Variants in SGSM1 observed in about 807,000 individuals in gnomAD.
SGSM1 encodes RUN and TBC1 domain containing 2.
Under a neutral mutation model 133.8 loss-of-function variants are expected in SGSM1, and 73 were observed. That is an observed-to-expected ratio of 0.55 (90% CI 0.45 to 0.66). SGSM1 has a LOEUF of 0.66. SGSM1 is among the 30% of genes least tolerant of loss of function. The pLI is 0.00. For missense variants in SGSM1, 1,213 were observed against 1,448.1 expected (o/e 0.84, Z 2.64); for synonymous variants, 563 against 573.0 (o/e 0.98, Z 0.25).
intron 2 of SGSM1, among the ~76,000 whole-genome samples, chr22:24,837,583 C>CT (rs1929516434): frequency 1.4e-5 from 1 of 69,568 alleles, no homozygotes; most frequent in African/African-American, 8.8e-5. Context: ...GGGAGACCCC[C>CT]CCCCCCCCTT....
intron 2 of SGSM1, among the ~76,000 whole-genome samples, chr22:24,829,912 T>C (rs139633): frequency 0.8 from 121,210 of 152,168 alleles, 49,158 homozygotes; most frequent in African/African-American, 0.94. Context: ...ATCTGTCAGC[T>C]TTCAAAGTGG....
intron 13 of SGSM1, among the ~76,000 whole-genome samples, chr22:24,877,459 A>G (rs576340329): frequency 7.9e-5 from 12 of 152,176 alleles, no homozygotes; most frequent in Non-Finnish European, 1.8e-4. Flanking sequence ...GTCTCTTTGA[A>G]ACTCTTCAGC....
At position 24,845,368 on chromosome 22, in the gene SGSM1, C is replaced by T. The variant is rs145459982; in HGVS notation, c.139+396C>T. On this transcript the variant is annotated intron_variant, in intron 3 of 24. Coordinates refer to ENST00000400358, the MANE Select transcript of SGSM1 (RefSeq NM_001098497.3). ...GAGCCCGTGACACATCCTGAAGGAT[C>T]GCGTCCATCTGGCTCAGCAAAGAAG... Among the ~76,000 whole-genome samples the T allele has an allele frequency of 1.5e-3, 226 of 152,232 alleles. 1 individual carries two copies. The highest frequency in any genetic ancestry group is 4.7e-3 in the Admixed American group (72 of 15,286).
chr22:24,843,136 G>T (rs1929902212), intron 2 of SGSM1, among the ~76,000 whole-genome samples: 1 of 152,180 alleles, frequency 6.6e-6, no homozygotes, highest in Non-Finnish European at 1.5e-5. Flanking sequence ...TTCCACATCT[G>T]CAAAATGAAG....
At chr22:24,838,776 T>C (rs1175973478) in intron 2 of SGSM1, among the ~76,000 whole-genome samples, 1 of 152,182 alleles carries the variant, frequency 6.6e-6, no homozygotes, top group South Asian at 2.1e-4. Context: ...TTCTGTAGTT[T>C]TGTTATAAGT....
At chr22:24,811,868 CAAA>C (rs757643471) in intron 2 of SGSM1, among the ~76,000 whole-genome samples, 1 of 122,102 alleles carries the variant, frequency 8.2e-6, no homozygotes, top group Non-Finnish European at 1.7e-5. Context: ...GACCCTGTCT[CAAA>C]AAAAAAAAAA....
At chr22:24,910,346 C>A (rs1933572677) in intron 21 of SGSM1, among the ~76,000 whole-genome samples, 1 of 152,068 alleles carries the variant, frequency 6.6e-6, no homozygotes, top group African/African-American at 2.4e-5. Flanking sequence ...ATATGAGAAT[C>A]TCAATAAACC....
chr22:24,837,598 A>G (rs139649), intron 2 of SGSM1, among the ~76,000 whole-genome samples: 109,819 of 135,520 alleles, frequency 0.81, 43,544 homozygotes, highest in African/African-American at 0.88. Context: ...CCCCTTTCCC[A>G]GTCTGCTAAG....
intron 13 of SGSM1, among the ~76,000 whole-genome samples, chr22:24,878,053 CGCCCACCTTG>C (rs1932119369): frequency 1.3e-5 from 2 of 152,004 alleles, no homozygotes; most frequent in South Asian, 4.1e-4. Context: ...TCAAGTGATC[CGCCCACCTTG>C]GCCTCCCAAA....
rs531274635 is a variant in SGSM1 at position 24,833,095 on chromosome 22, C to T, written c.64-11802C>T. ...GATTACAGGCATCCACCACCACGCC[C>T]GGCTAATTTTTGTATTTTTAGTAGA... On this transcript the variant is annotated intron_variant, in intron 2 of 24. Transcript: ENST00000400358. Among the ~76,000 whole-genome samples, 443 of 151,868 alleles carry T rather than the reference C, an allele frequency of 2.9e-3. 2 individuals are homozygous for T. Among genetic ancestry groups the T allele is most frequent in the African/African-American group, 0.01 (423 of 41,440 alleles).
intron 5 of SGSM1, among the ~76,000 whole-genome samples, chr22:24,854,068 C>G (rs755186233): frequency 6.6e-6 from 1 of 152,136 alleles, no homozygotes; most frequent in Admixed American, 6.5e-5. Flanking sequence ...ATTACCTCCC[C>G]CTGGGTCCCT....
At chr22:24,837,361 A>G (rs950542490) in intron 2 of SGSM1, among the ~76,000 whole-genome samples, 8 of 152,348 alleles carry the variant, frequency 5.3e-5, no homozygotes, top group Admixed American at 1.3e-4. Context: ...ATCAGGGACT[A>G]TTAGTATTTT....
chr22:24,866,636 G>T (rs957678344), intron 9 of SGSM1, among the ~76,000 whole-genome samples: 1 of 152,176 alleles, frequency 6.6e-6, no homozygotes, highest in Non-Finnish European at 1.5e-5. Flanking sequence ...AGGCATAGTC[G>T]CTTCCATCTT....
intron 12 of SGSM1, among the ~76,000 whole-genome samples, chr22:24,869,319 A>C (rs555613507): frequency 6.6e-6 from 1 of 152,298 alleles, no homozygotes; most frequent in South Asian, 2.1e-4. Flanking sequence ...CAGGAGTTTA[A>C]GACCAGCCTG....
chr22:24,842,406 C>T (rs750994527), intron 2 of SGSM1, among the ~76,000 whole-genome samples: 1 of 152,138 alleles, frequency 6.6e-6, no homozygotes, highest in Non-Finnish European at 1.5e-5. Context: ...GCTCTATTAT[C>T]CACAATTATG....
intron 8 of SGSM1, chr22:24,856,071 AT>A (rs1415216932): frequency 1.2e-4 from 47 of 382,484 alleles, no homozygotes; most frequent in Non-Finnish European, 2.2e-4. Flanking sequence ...CCATTTGTCC[AT>A]TTATTTTCCT....
chr22:24,846,388 A>G (rs551352369), intron 3 of SGSM1, among the ~76,000 whole-genome samples: 59 of 152,112 alleles, frequency 3.9e-4, no homozygotes, highest in African/African-American at 1.4e-3. Context: ...AATTACATAC[A>G]TATATGTATG....
intron 2 of SGSM1, among the ~76,000 whole-genome samples, chr22:24,817,091 G>C (rs1351661212): frequency 2.0e-5 from 3 of 152,196 alleles, no homozygotes; most frequent in Non-Finnish European, 1.5e-5. Context: ...CAGACAGGGA[G>C]ATGGAAGGCA....
intron 14 of SGSM1, among the ~76,000 whole-genome samples, chr22:24,880,646 C>T (rs1291575959): frequency 6.6e-6 from 1 of 152,210 alleles, no homozygotes; most frequent in Non-Finnish European, 1.5e-5. Flanking sequence ...TGTTGCCACC[C>T]ATCCACAGTG....
Sources: allele counts gnomAD v4.1 joint callset (sites outside exome capture counted in the v4.1 genomes callset), GRCh38; gene constraint gnomAD v4.1.1; transcripts MANE v1.5; gene names NCBI Gene and HGNC (gene_info 2026-07-23, HGNC 2026-07-21).